Variants in CLECL1 observed in about 807,000 individuals in gnomAD.
CLECL1 encodes C-type lectin like 1.
chr12:9,725,034 A>C (rs772807045), intron 3 of CLECL1, among the ~76,000 whole-genome samples: 6 of 152,250 alleles, frequency 3.9e-5, no homozygotes, highest in African/African-American at 1.4e-4. Flanking sequence ...TAAATTGTCA[A>C]AGGAAAAAGT....
chr12:9,712,209 C>G (rs368070550), downstream of CLECL1, among the ~76,000 whole-genome samples: 2 of 152,298 alleles, frequency 1.3e-5, no homozygotes, highest in East Asian at 1.9e-4. Flanking sequence ...AGGCTCTTGA[C>G]CAGTGTCCTT....
chr12:9,710,823 G>A, the CLECL1 span, among the ~76,000 whole-genome samples: 1 of 152,168 alleles, frequency 6.6e-6, no homozygotes, highest in Non-Finnish European at 1.5e-5. Context: ...CTGGGCCACT[G>A]AGCAGCCTGA....
Position 9,722,831 on chromosome 12 carries a change from A to G in CLECL1, n.263-18T>C. Reference sequence around the variant, plus strand: ...GAAAGAAACTGGAAGAAAGGAAGATAAGCAATTAAAATCAATGTAAAACTG... The same window carrying G: ...GAAAGAAACTGGAAGAAAGGAAGATGAGCAATTAAAATCAATGTAAAACTG... On this transcript the variant is annotated intron_variant and non_coding_transcript_variant, in intron 3 of 3. Coordinates refer to ENST00000621400, the Ensembl canonical transcript of CLECL1. 1.3e-6 allele frequency: 2 copies of G among 1,568,528 alleles called. No homozygotes were observed. The highest frequency in any genetic ancestry group is 1.7e-4 in the Middle Eastern group (1 of 5,912).
At chr12:9,702,737 C>T in the CLECL1 span, among the ~76,000 whole-genome samples, 1 of 152,190 alleles carries the variant, frequency 6.6e-6, no homozygotes, top group Non-Finnish European at 1.5e-5. Context: ...CTTTCCTCCA[C>T]AGCATAATTT....
the CLECL1 span, chr12:9,708,896 A>G: frequency 3.8e-6 from 1 of 265,558 alleles, no homozygotes; most frequent in Non-Finnish European, 7.1e-6. Context: ...TCTCTTCACC[A>G]CTTCCAGCTT....
At chr12:9,719,050 G>A (rs73059585), downstream of CLECL1, among the ~76,000 whole-genome samples, 2 of 152,230 alleles carry the variant, frequency 1.3e-5, no homozygotes, top group Non-Finnish European at 2.9e-5. Flanking sequence ...TCTTGTGTAG[G>A]ACAGTGGGAA....
chr12:9,733,064 T>G, upstream of CLECL1: 1 of 1,614,054 alleles, frequency 6.2e-7, no homozygotes. Context: ...AGACCACAAA[T>G]GATGTCCCAC....
At chr12:9,725,347 G>A (rs1324310244) in intron 3 of CLECL1, among the ~76,000 whole-genome samples, 1 of 152,038 alleles carries the variant, frequency 6.6e-6, no homozygotes, top group African/African-American at 2.4e-5. Flanking sequence ...AGCTTATAAA[G>A]TTCTTTCTCA....
the CLECL1 span, chr12:9,708,972 C>A: frequency 4.3e-6 from 1 of 230,418 alleles, no homozygotes; most frequent in Non-Finnish European, 8.5e-6. Context: ...GGAGGAAAAA[C>A]ACCTCATAGC....
At chr12:9,718,820 C>A (rs893984010), downstream of CLECL1, 4 of 687,044 alleles carry the variant, frequency 5.8e-6, no homozygotes, top group African/African-American at 5.3e-5. Context: ...AACCTGCCAA[C>A]AACCTTGATC....
chr12:9,733,422 C>G (rs924216439), upstream of CLECL1: 22 of 564,804 alleles, frequency 3.9e-5, no homozygotes, highest in Admixed American at 3.6e-4. Context: ...GAATTTCCAG[C>G]ATCTTCTCCA....
the CLECL1 span, among the ~76,000 whole-genome samples, chr12:9,709,658 G>A: frequency 4.2e-3 from 638 of 152,290 alleles, 6 homozygotes; most frequent in African/African-American, 0.014. Context: ...CACATATAGC[G>A]TCAGGGAAGG....
chr12:9,731,972 A>G (rs763482046), intron 1 of CLECL1, among the ~76,000 whole-genome samples: 1 of 152,290 alleles, frequency 6.6e-6, no homozygotes, highest in Admixed American at 6.5e-5. Flanking sequence ...TTTTCAAATT[A>G]TGTTTCACTA....
chr12:9,729,751 A>G (rs139602832), intron 1 of CLECL1, among the ~76,000 whole-genome samples: 2 of 152,162 alleles, frequency 1.3e-5, no homozygotes, highest in South Asian at 4.1e-4. Flanking sequence ...GAGAGGGCCA[A>G]ATAAACTTTC....
the CLECL1 span, among the ~76,000 whole-genome samples, chr12:9,708,325 C>T: frequency 1.3e-5 from 2 of 152,158 alleles, no homozygotes; most frequent in African/African-American, 4.8e-5. Flanking sequence ...GCTCCCCATT[C>T]TAACACTGTT....
At chr12:9,707,263 T>C in the CLECL1 span, among the ~76,000 whole-genome samples, 2 of 152,148 alleles carry the variant, frequency 1.3e-5, no homozygotes, top group Non-Finnish European at 2.9e-5. Context: ...TAGATACCAG[T>C]TTAAAGTTCT....
intron 3 of CLECL1, among the ~76,000 whole-genome samples, chr12:9,726,175 G>T (rs999307560): frequency 6.6e-6 from 1 of 151,752 alleles, no homozygotes; most frequent in African/African-American, 2.4e-5. Flanking sequence ...GAATGAATTT[G>T]GTCACCAAGG....
intron 1 of CLECL1, among the ~76,000 whole-genome samples, chr12:9,730,797 T>C (rs761012409): frequency 7.2e-5 from 11 of 152,104 alleles, no homozygotes; most frequent in African/African-American, 2.7e-4. Context: ...TCAAGCAATC[T>C]TACTGCCTCA....
At chr12:9,733,259 AAC>A, upstream of CLECL1, 1 of 1,604,030 alleles carries the variant, frequency 6.2e-7, no homozygotes, top group Middle Eastern at 1.7e-4. Context: ...AGAAATTACT[AAC>A]CATACAGTAG....
Sources: gnomAD v4.1 joint callset for allele counts (sites outside exome capture counted in the v4.1 genomes callset) on GRCh38, gnomAD v4.1.1 for gene constraint, MANE v1.5 for transcripts, NCBI Gene and HGNC (gene_info 2026-07-23, HGNC 2026-07-21) for gene names.